The following F11R variants were observed in gnomAD, a reference collection of about 807,000 sequenced individuals.
F11R encodes the protein F11 receptor.
In F11R, 27 loss-of-function variants were observed where a neutral mutation model predicts 39.3. The observed-to-expected ratio is 0.69, with a 90% CI of 0.51 to 0.95. F11R has a LOEUF of 0.95. Among genes scored for constraint, F11R ranks in the 40% least tolerant of loss-of-function variants. The pLI, the probability that F11R is intolerant of heterozygous loss-of-function variation, is 0.00. For missense variants in F11R, 335 were observed against 372.7 expected (o/e 0.90, Z 0.83); for synonymous variants, 131 against 144.9 (o/e 0.90, Z 0.69).
At chr1:161,012,196 A>G (rs902986217) in intron 1 of F11R, among the ~76,000 whole-genome samples, 1 of 152,190 alleles carries the variant, frequency 6.6e-6, no homozygotes, top group Non-Finnish European at 1.5e-5. Context: ...GAACCCACCA[A>G]CAACCATCCC....
intron 1 of F11R, among the ~76,000 whole-genome samples, chr1:161,012,558 G>C (rs977851709): frequency 1.8e-4 from 27 of 151,588 alleles, no homozygotes; most frequent in Admixed American, 6.6e-4. Context: ...AAGAAAAAAA[G>C]AATTTTCCTT....
At position 160,999,958 on chromosome 1, in the gene F11R, G is replaced by A; in HGVS notation, c.612C>T (p.Ala204=). 1 of 1,614,156 alleles carries A rather than the reference G, an allele frequency of 6.2e-7. No homozygotes were observed. Among genetic ancestry groups the A allele is most frequent in the Non-Finnish European group, 8.5e-7 (1 of 1,180,014 alleles). The part of the protein sequence containing the change: ...TGELVFDPLS[A]SDTGEYSCEA... ...CACAGCTGTATTCTCCAGTATCAGA[G>A]GCTGACAGGGGATCAAAGACCTGAG... Residue 204 remains alanine (A), a synonymous_variant, in exon 6 of 10, where the codon GCC becomes GCT. Transcript: ENST00000368026.
chr1:161,017,028 T>C (rs1244005109), intron 1 of F11R, among the ~76,000 whole-genome samples: 2 of 152,078 alleles, frequency 1.3e-5, no homozygotes, highest in African/African-American at 2.4e-5. Context: ...GGATTAAGGG[T>C]TGTGCAAGAT....
chr1:161,010,733 C>G (rs1649105253), intron 1 of F11R, among the ~76,000 whole-genome samples: 1 of 151,940 alleles, frequency 6.6e-6, no homozygotes, highest in Non-Finnish European at 1.5e-5. Context: ...CGCCTGTAAT[C>G]CCAGCACTTC....
chr1:160,998,636 A>C lies in F11R; in HGVS notation c.*235T>G. The C allele has an allele frequency of 1.7e-6, 1 of 596,776 alleles. No homozygotes were observed. The highest frequency in any genetic ancestry group is 3.0e-6 in the Non-Finnish European group (1 of 335,050). 37.0% of individuals were successfully genotyped at this position (596,776 alleles called of 1,614,324 possible). ...TCCTGATCCCTCAAAGAAATGGGGA[A>C]TAAACACTTTAAACAAGTTCCAGGC... On this transcript the variant is annotated 3_prime_UTR_variant, in exon 10 of 10. Transcript: ENST00000368026.
chr1:161,020,397 T>A (rs893537382), intron 1 of F11R, among the ~76,000 whole-genome samples: 24 of 152,214 alleles, frequency 1.6e-4, no homozygotes, highest in Admixed American at 1.3e-3. Flanking sequence ...GAACCTCTGC[T>A]GCGCTTAGAG....
At chr1:161,004,637 A>T (rs1332923209) in intron 1 of F11R, among the ~76,000 whole-genome samples, 1 of 152,060 alleles carries the variant, frequency 6.6e-6, no homozygotes, top group East Asian at 1.9e-4. Flanking sequence ...TAAGCCAAAG[A>T]GTGGGAGGTT....
intron 1 of F11R, among the ~76,000 whole-genome samples, chr1:161,009,358 A>G (rs1014948030): frequency 1.3e-5 from 2 of 152,026 alleles, no homozygotes; most frequent in African/African-American, 4.8e-5. Flanking sequence ...GTTATTTAAT[A>G]TTCTGAGTAT....
intron 9 of F11R, 23 bp downstream of exon 9, chr1:160,999,020 C>T (rs1648301296): frequency 5.6e-6 from 9 of 1,614,220 alleles, no homozygotes; most frequent in Non-Finnish European, 7.6e-6. Flanking sequence ...TGGCCCACCC[C>T]TGCCCAGGGG....
chr1:161,019,540 G>A (rs1276704298), intron 1 of F11R, among the ~76,000 whole-genome samples: 2 of 151,126 alleles, frequency 1.3e-5, no homozygotes, highest in Non-Finnish European at 2.9e-5. Context: ...GGTTGCGGTG[G>A]GCCAAGATGG....
At chr1:161,009,762 G>GT (rs1414813803) in intron 1 of F11R, among the ~76,000 whole-genome samples, 1 of 151,922 alleles carries the variant, frequency 6.6e-6, no homozygotes, top group South Asian at 2.1e-4. Flanking sequence ...GAGGTCAGAA[G>GT]TTTAAGACCA....
intron 1 of F11R, among the ~76,000 whole-genome samples, chr1:161,008,229 C>T (rs1175829493): frequency 2.0e-5 from 3 of 152,092 alleles, no homozygotes; most frequent in African/African-American, 7.2e-5. Context: ...GGCACGGTGA[C>T]TCACGCCTGT....
At position 160,998,777 on chromosome 1, in the gene F11R, T is replaced by C; in HGVS notation, c.*94A>G. On this transcript the variant is annotated 3_prime_UTR_variant, in exon 10 of 10. Transcript: ENST00000368026. ...GGCCCTGTGGGGTGTAGAAGACAAA[T>C]AAGGCATCCTGTGAAACTACAGACA... The C allele has an allele frequency of 7.8e-7, 1 of 1,280,934 alleles. No individual in the cohort carries two copies. 79.3% of individuals were successfully genotyped at this position (1,280,934 alleles called of 1,614,324 possible). A position where few individuals can be genotyped will look rare whatever the true frequency, so the allele number is the denominator to read the frequency against.
intron 1 of F11R, among the ~76,000 whole-genome samples, chr1:161,006,516 C>A (rs867927969): frequency 2.0e-5 from 3 of 152,218 alleles, no homozygotes; most frequent in African/African-American, 4.8e-5. Context: ...CCTCTCAGAT[C>A]ATCACATTCA....
At chr1:161,004,307 C>A (rs1413517759) in intron 1 of F11R, among the ~76,000 whole-genome samples, 1 of 151,962 alleles carries the variant, frequency 6.6e-6, no homozygotes, top group African/African-American at 2.4e-5. Context: ...CACCTATAAC[C>A]CCAGCACTTT....
chr1:161,012,852 T>C (rs1649248578), intron 1 of F11R, among the ~76,000 whole-genome samples: 1 of 152,102 alleles, frequency 6.6e-6, no homozygotes, highest in South Asian at 2.1e-4. Flanking sequence ...CTTGAACTCC[T>C]GACCTCAGGT....
chr1:161,013,400 A>G (rs927601989), intron 1 of F11R, among the ~76,000 whole-genome samples: 4 of 152,188 alleles, frequency 2.6e-5, no homozygotes, highest in African/African-American at 9.7e-5. Flanking sequence ...GTAAACACCA[A>G]TGTTTGTTGG....
intron 8 of F11R, 109 bp from the exon 9 acceptor site, chr1:160,999,200 G>A (rs868064080): frequency 2.9e-5 from 43 of 1,488,276 alleles, no homozygotes; most frequent in East Asian, 7.0e-5. Flanking sequence ...CACAGAGTGC[G>A]CAGCAGACAG....
In F11R at chr1:161,014,764, AC is replaced by A. The variant is rs987025106; in HGVS notation, c.64+6245del. ...AGACCAGCTTGGCCAACATGGTGAAACCCTATCTCTACTAAAAATACAAAAA... is the reference window on the plus strand; with the variant it reads ...AGACCAGCTTGGCCAACATGGTGAAACCTATCTCTACTAAAAATACAAAAA... On this transcript the variant is annotated intron_variant, in intron 1 of 9. Transcript: ENST00000368026. Among the ~76,000 whole-genome samples, 102 of 152,014 alleles carry A rather than the reference AC, an allele frequency of 6.7e-4. 1 individual carries two copies. The highest frequency in any genetic ancestry group is 2.3e-3 in the African/African-American group (97 of 41,456).
Sources: gnomAD v4.1 joint callset for allele counts (sites outside exome capture counted in the v4.1 genomes callset) on GRCh38, gnomAD v4.1.1 for gene constraint, MANE v1.5 for transcripts, NCBI Gene and HGNC (gene_info 2026-07-23, HGNC 2026-07-21) for gene names.